Variants in SMIM44 observed in about 807,000 individuals in gnomAD.
SMIM44 encodes the protein small integral membrane protein 44.
the SMIM44 span, chr19:3,482,706 C>T: frequency 7.6e-6 from 3 of 396,386 alleles, no homozygotes; most frequent in Non-Finnish European, 1.3e-5. Flanking sequence ...GAAAGCCGTC[C>T]GCTGCGACCG....
chr19:3,482,696 GA>G, the SMIM44 span: 2 of 396,356 alleles, frequency 5.0e-6, no homozygotes, highest in Admixed American at 4.4e-5. Flanking sequence ...CTGGGAAGGA[GA>G]AAGCCGTCCG....
At chr19:3,482,810 T>C in the SMIM44 span, 4 of 391,048 alleles carry the variant, frequency 1.0e-5, no homozygotes, top group South Asian at 3.9e-4. Flanking sequence ...GGATTCAAGT[T>C]GCCATCAGCT....
the SMIM44 span, chr19:3,482,828 G>A: frequency 5.0e-6 from 2 of 398,124 alleles, no homozygotes; most frequent in Non-Finnish European, 4.4e-6. Context: ...GCTTCCAGAA[G>A]GAGCTTCGGG....
At chr19:3,483,430 C>G in the SMIM44 span, 2 of 397,420 alleles carry the variant, frequency 5.0e-6, no homozygotes, top group Non-Finnish European at 8.9e-6. Flanking sequence ...AGGGGAGGCC[C>G]GGAGGTGACC....
At chr19:3,482,770 G>T in the SMIM44 span, 3 of 397,318 alleles carry the variant, frequency 7.6e-6, no homozygotes, top group South Asian at 2.6e-4. Context: ...CTGTCTACAC[G>T]ACCGCCAAAG....
chr19:3,482,930 C>G, the SMIM44 span: 1 of 398,124 alleles, frequency 2.5e-6, no homozygotes, highest in African/African-American at 2.1e-5. Flanking sequence ...CGCCGGCGTC[C>G]TCCTCGCCCT....
chr19:3,483,389 C>T, the SMIM44 span: 3 of 397,888 alleles, frequency 7.5e-6, no homozygotes, highest in East Asian at 7.1e-5. Context: ...CCCCCTCGGC[C>T]GCCAGCCCCG....
chr19:3,482,268 G>A, the SMIM44 span, among the ~76,000 whole-genome samples: 1 of 152,220 alleles, frequency 6.6e-6, no homozygotes, highest in Non-Finnish European at 1.5e-5. Flanking sequence ...CCGAGGCGGG[G>A]GCTGGAGAAG....
the SMIM44 span, chr19:3,483,381 C>T: frequency 5.0e-6 from 2 of 397,944 alleles, no homozygotes; most frequent in African/African-American, 4.1e-5. Flanking sequence ...CTCGGCCTCC[C>T]CCTCGGCCGC....
the SMIM44 span, among the ~76,000 whole-genome samples, chr19:3,482,582 CTAG>C: frequency 2.6e-5 from 4 of 152,336 alleles, no homozygotes; most frequent in Middle Eastern, 0.01. Flanking sequence ...TTAAATCGCC[CTAG>C]TGTTTCTAAT....
At chr19:3,483,088 C>T in the SMIM44 span, 1 of 398,520 alleles carries the variant, frequency 2.5e-6, no homozygotes, top group Non-Finnish European at 4.4e-6. Context: ...CTCCCCGGCC[C>T]CGGCCACCCT....
chr19:3,482,424 C>T, the SMIM44 span, among the ~76,000 whole-genome samples: 6 of 152,212 alleles, frequency 3.9e-5, no homozygotes, highest in Admixed American at 3.3e-4. Flanking sequence ...TTCATCACTG[C>T]GTGCCTCGGT....
the SMIM44 span, chr19:3,483,410 CGCCCGG>C: frequency 5.0e-6 from 2 of 397,712 alleles, no homozygotes; most frequent in Non-Finnish European, 8.9e-6. Flanking sequence ...GCATGGTGTC[CGCCCGG>C]CACAGGGGAG....
chr19:3,482,440 C>A, the SMIM44 span, among the ~76,000 whole-genome samples: 1 of 152,222 alleles, frequency 6.6e-6, no homozygotes, highest in Non-Finnish European at 1.5e-5. Flanking sequence ...TCGGTTTCCC[C>A]ATCTGTTAAG....
chr19:3,482,324 G>T, the SMIM44 span, among the ~76,000 whole-genome samples: 8 of 152,136 alleles, frequency 5.3e-5, no homozygotes, highest in Non-Finnish European at 7.4e-5. Flanking sequence ...GGCAGGACCC[G>T]CCTTGGAGAT....
the SMIM44 span, chr19:3,483,193 G>T: frequency 1.5e-5 from 6 of 398,362 alleles, no homozygotes; most frequent in African/African-American, 1.2e-4. Context: ...TTCGGTGGGG[G>T]CAGCTCACCG....
At chr19:3,483,203 G>A in the SMIM44 span, 4 of 398,396 alleles carry the variant, frequency 1.0e-5, no homozygotes, top group African/African-American at 4.1e-5. Flanking sequence ...GCAGCTCACC[G>A]GCCAGGTCGT....
chr19:3,482,139 T>C, the SMIM44 span, among the ~76,000 whole-genome samples: 1 of 152,248 alleles, frequency 6.6e-6, no homozygotes. Flanking sequence ...TATTAAACTC[T>C]GACTGTGTAT....
the SMIM44 span, chr19:3,482,843 G>A: frequency 5.0e-6 from 2 of 398,042 alleles, no homozygotes; most frequent in Admixed American, 4.4e-5. Context: ...TTCGGGATGG[G>A]GGGTCCTTGA....
Sources: allele counts gnomAD v4.1 joint callset (sites outside exome capture counted in the v4.1 genomes callset), GRCh38; gene constraint gnomAD v4.1.1; transcripts MANE v1.5; gene names NCBI Gene and HGNC (gene_info 2026-07-23, HGNC 2026-07-21).